HERC1: variants seen among roughly 807,000 people sequenced by gnomAD.
HERC1 encodes the protein probable E3 ubiquitin-protein ligase HERC1.
A neutral mutation model predicts 554.3 loss-of-function variants in HERC1; 160 were observed. The observed-to-expected ratio is 0.29, with a 90% CI of 0.25 to 0.33. The LOEUF is 0.33. Ranked by LOEUF, HERC1 falls within the 10% of genes least tolerant of loss-of-function variation. The probability of loss-of-function intolerance (pLI) is 1.00; values close to 1 mark genes in which losing one functional copy is unlikely to be tolerated. For missense variants in HERC1, 4,919 were observed against 5,918.5 expected (o/e 0.83, Z 5.54); for synonymous variants, 2,175 against 2,131.7 (o/e 1.02, Z -0.56).
chr15:63,657,104 G>A (rs914457554), intron 48 of HERC1, among the ~76,000 whole-genome samples: 1 of 152,118 alleles, frequency 6.6e-6, no homozygotes, highest in South Asian at 2.1e-4. Flanking sequence ...TGATACTATC[G>A]AACAGTTTTC....
chr15:63,678,475 A>C, intron 36 of HERC1, 110 bp from the exon 37 acceptor site: 1 of 1,266,274 alleles, frequency 7.9e-7, no homozygotes, highest in African/African-American at 1.5e-5. Flanking sequence ...GGGTCTCTTC[A>C]TACATGTGAA....
intron 61 of HERC1, among the ~76,000 whole-genome samples, chr15:63,639,538 C>T (rs894829014): frequency 6.6e-6 from 1 of 152,196 alleles, no homozygotes; most frequent in African/African-American, 2.4e-5. Context: ...GCTACAGTTA[C>T]ATAATTTTAC....
At chr15:63,634,985 CATAAA>C in intron 65 of HERC1, 97 bp from the exon 66 acceptor site, 1 of 813,858 alleles carries the variant, frequency 1.2e-6, no homozygotes, top group Non-Finnish European at 1.8e-6. Context: ...ATAAACTTTA[CATAAA>C]CTTCACTGAA....
rs745970588 is a variant in HERC1, at chr15:63,694,933, CAAT to C, written c.5122-42_5122-40del. The C allele has an allele frequency of 7.6e-6, 12 of 1,572,346 alleles. No homozygotes were observed. The highest frequency in any genetic ancestry group is 4.1e-5 in the African/African-American group (3 of 73,640). On this transcript the variant is annotated intron_variant, in intron 27 of 77. Coordinates refer to ENST00000443617, the MANE Select transcript of HERC1 (RefSeq NM_003922.4). This position sits in a 1 kb window ranked among gnomAD's most constrained non-coding sequence, Gnocchi z 4.3. Reference sequence around the variant, plus strand: ...AAAGAATTACTTTTTCTATTAGCAACAATAATACCTGCTTGCAAAAAGAAGTAA... The same window carrying C: ...AAAGAATTACTTTTTCTATTAGCAACAATACCTGCTTGCAAAAAGAAGTAA...
At chr15:63,816,881 T>C (rs188929645) in intron 1 of HERC1, among the ~76,000 whole-genome samples, 1 of 152,280 alleles carries the variant, frequency 6.6e-6, no homozygotes, top group Admixed American at 6.5e-5. Flanking sequence ...TAAGCAATTA[T>C]CATCAACAGC....
intron 1 of HERC1, among the ~76,000 whole-genome samples, chr15:63,789,375 C>A (rs1032086431): frequency 6.6e-6 from 1 of 151,488 alleles, no homozygotes; most frequent in African/African-American, 2.4e-5. Context: ...CAGGCGTGAG[C>A]CACCGCGCCC....
At chr15:63,712,316 C>T (rs955914500) in intron 24 of HERC1, among the ~76,000 whole-genome samples, 6 of 152,112 alleles carry the variant, frequency 3.9e-5, no homozygotes, top group Admixed American at 6.5e-5. Context: ...TGGAGACACA[C>T]TAACGGTAAA....
chr15:63,629,284 A>G (rs1185318283), intron 69 of HERC1, among the ~76,000 whole-genome samples: 3 of 152,178 alleles, frequency 2.0e-5, no homozygotes, highest in South Asian at 2.1e-4. Context: ...TTTCTTTATC[A>G]TAACAGTCCT....
chr15:63,694,173 G>GA lies in HERC1; in HGVS notation c.5481-17dup, dbSNP rs983878962. On this transcript the variant is annotated splice_polypyrimidine_tract_variant and intron_variant, in intron 29 of 77. Coordinates refer to ENST00000443617, the MANE Select transcript of HERC1 (RefSeq NM_003922.4). This position sits in a 1 kb window ranked among gnomAD's most constrained non-coding sequence, Gnocchi z 4.3. Reference sequence around the variant, plus strand: ...AGCATAGGTCCTATGTGAAATAAAAGAAAAAAATAAGTGGCAAACACACAG... The same window carrying GA: ...AGCATAGGTCCTATGTGAAATAAAAGAAAAAAAATAAGTGGCAAACACACAG... The GA allele has an allele frequency of 6.3e-7, 1 of 1,578,572 alleles. No individual in the cohort carries two copies.
chr15:63,732,777 T>C (rs1017692969), intron 14 of HERC1, 147 bp downstream of exon 14: 8 of 605,144 alleles, frequency 1.3e-5, no homozygotes, highest in South Asian at 4.3e-5. Flanking sequence ...CCCCACAATA[T>C]TTCAGAAACC....
At chr15:63,754,173 CAA>C (rs34864960) in intron 7 of HERC1, among the ~76,000 whole-genome samples, 4 of 124,882 alleles carry the variant, frequency 3.2e-5, no homozygotes, top group Non-Finnish European at 1.7e-5. Context: ...GACCCTATCT[CAA>C]AAAAAAAAAA....
chr15:63,650,714 T>C (rs959390462), intron 53 of HERC1, among the ~76,000 whole-genome samples: 3 of 152,220 alleles, frequency 2.0e-5, no homozygotes, highest in Non-Finnish European at 2.9e-5. Flanking sequence ...CAAATTGGCA[T>C]AAGAAACTTA....
intron 12 of HERC1, among the ~76,000 whole-genome samples, chr15:63,738,711 C>G (rs1385934392): frequency 6.6e-6 from 1 of 152,122 alleles, no homozygotes; most frequent in African/African-American, 2.4e-5. Context: ...ACAGAAACAG[C>G]CTGTGTGTAA....
At chr15:63,763,407 G>A (rs961624982) in intron 3 of HERC1, among the ~76,000 whole-genome samples, 5 of 152,012 alleles carry the variant, frequency 3.3e-5, no homozygotes, top group Admixed American at 3.3e-4. Context: ...CAATTTATAG[G>A]AAATACAGAG....
At chr15:63,720,003 G>A (rs891640935) in intron 19 of HERC1, among the ~76,000 whole-genome samples, 4 of 149,438 alleles carry the variant, frequency 2.7e-5, no homozygotes, top group African/African-American at 7.4e-5. Context: ...AAGTGGGTAA[G>A]AAATGAAACA....
At chr15:63,823,744 G>GA in intron 1 of HERC1, among the ~76,000 whole-genome samples, 1 of 151,850 alleles carries the variant, frequency 6.6e-6, no homozygotes, top group Non-Finnish European at 1.5e-5. Context: ...CCAGTTGAAA[G>GA]AAAAAAAGAA....
chr15:63,678,760 A>C (rs927805660), intron 36 of HERC1, among the ~76,000 whole-genome samples: 1 of 152,206 alleles, frequency 6.6e-6, no homozygotes, highest in African/African-American at 2.4e-5. Flanking sequence ...CAAGGGGTGC[A>C]AAAGTAAAAT....
intron 24 of HERC1, among the ~76,000 whole-genome samples, chr15:63,710,140 G>C (rs181375039): frequency 6.6e-6 from 1 of 152,336 alleles, no homozygotes; most frequent in African/African-American, 2.4e-5. Context: ...TGATTTCCGA[G>C]TAGGCAGTGC....
At position 63,641,631 on chromosome 15, in the gene HERC1, C is replaced by T. The variant is rs372181076; in HGVS notation, c.11446G>A (p.Val3816Met). The T allele has an allele frequency of 3.4e-5, 53 of 1,539,414 alleles. No individual in the cohort carries two copies. The highest frequency in any genetic ancestry group is 4.2e-5 in the Non-Finnish European group (48 of 1,137,920). Reference sequence around the variant, plus strand: ...GCTGCCCATTCTGCTGTACAATTCACGACCAAAACATCCTGGTTGAAAATA... The same window carrying T: ...GCTGCCCATTCTGCTGTACAATTCATGACCAAAACATCCTGGTTGAAAATA... ...CSNRSKDVLV[V>M]NCTAEWAAAN... The change falls in exon 60 of 78, where the codon GTG becomes ATG. Residue 3816 changes from valine (V) to methionine (M), a missense_variant. Transcript: ENST00000443617.
Sources: gnomAD v4.1 joint callset for allele counts (sites outside exome capture counted in the v4.1 genomes callset) on GRCh38, gnomAD v4.1.1 for gene constraint, Gnocchi (gnomAD v3.1) non-coding constraint, MANE v1.5 for transcripts, NCBI Gene and HGNC (gene_info 2026-07-23, HGNC 2026-07-21) for gene names.